POFUT1: variants seen among roughly 807,000 people sequenced by gnomAD.
POFUT1 encodes protein O-fucosyltransferase 1, also known as GDP-fucose protein O-fucosyltransferase 1.
In POFUT1, 16 loss-of-function variants were observed where a neutral mutation model predicts 42.4. That is an observed-to-expected ratio of 0.38 (90% CI 0.26 to 0.57). The LOEUF (loss-of-function observed/expected upper bound fraction) is 0.57. POFUT1 is among the 20% of genes least tolerant of loss of function. The pLI is 0.71. For missense variants in POFUT1, 470 were observed against 504.6 expected (o/e 0.93, Z 0.66); for synonymous variants, 206 against 205.4 (o/e 1.00, Z -0.03).
At chr20:32,231,169 C>G in intron 6 of POFUT1, 108 bp downstream of exon 6, 2 of 1,217,454 alleles carry the variant, frequency 1.6e-6, no homozygotes, top group Non-Finnish European at 2.3e-6. Context: ...AGCCTTTTGC[C>G]TGGACCTACC....
chr20:32,225,988 CAGA>C (rs2047412916), intron 4 of POFUT1, among the ~76,000 whole-genome samples: 2 of 152,140 alleles, frequency 1.3e-5, no homozygotes, highest in Non-Finnish European at 1.5e-5. Flanking sequence ...AGAAAGCACG[CAGA>C]AGAACACTCC....
Position 32,238,068 on chromosome 20 carries a change from A to T in POFUT1, c.*3407A>T. On this transcript the variant is annotated 3_prime_UTR_variant, in exon 7 of 7. Coordinates refer to ENST00000375749, the MANE Select transcript of POFUT1 (RefSeq NM_015352.2). Reference sequence around the variant, plus strand: ...CTCTTAATTATAAAAAATTCTGTCGAGGAGTGTTCCATAGTTTATTGTTTT... The same window carrying T: ...CTCTTAATTATAAAAAATTCTGTCGTGGAGTGTTCCATAGTTTATTGTTTT... 3.0e-6 allele frequency: 1 copy of T among 333,732 alleles called. No homozygotes were observed. Among genetic ancestry groups the T allele is most frequent in the Admixed American group, 3.8e-5 (1 of 26,156 alleles). The allele number at this position is 333,732 out of a possible 1,614,324, so 20.7% of individuals were successfully genotyped here. A position where few individuals can be genotyped will look rare whatever the true frequency, so the allele number is the denominator to read the frequency against.
rs138369052 is a variant in POFUT1 at position 32,230,824 on chromosome 20, C to T, written c.741C>T (p.Asn247=). The part of the protein sequence containing the change: ...IHLRIGSDWK[N]ACAMLKDGTA... ...CTGTTCCCCGCTCTCCGTAGAAGAA[C>T]GCCTGTGCCATGCTGAAGGACGGGA... is the stretch of plus-strand genomic sequence containing the variant. Residue 247 remains asparagine, a synonymous_variant, in exon 6 of 7, where the codon AAC becomes AAT. Coordinates refer to ENST00000375749, the MANE Select transcript of POFUT1 (RefSeq NM_015352.2). The T allele has an allele frequency of 5.8e-5, 94 of 1,613,380 alleles. No homozygotes were observed. The African/African-American group carries it at 1.1e-3, about 18-fold the overall frequency.
chr20:32,208,570 A>G (rs2047307319), intron 1 of POFUT1, among the ~76,000 whole-genome samples: 1 of 147,882 alleles, frequency 6.8e-6, no homozygotes, highest in Non-Finnish European at 1.5e-5. Flanking sequence ...TAATCCCACC[A>G]CTTTGAGAGA....
At chr20:32,230,686 C>A (rs1301125587) in intron 5 of POFUT1, 133 bp from the exon 6 acceptor site, 14 of 988,666 alleles carry the variant, frequency 1.4e-5, no homozygotes, top group Non-Finnish European at 1.6e-5. Context: ...CAGAGTGAGA[C>A]TCCGTCTCAA....
intron 2 of POFUT1, among the ~76,000 whole-genome samples, chr20:32,211,117 T>C (rs141553787): frequency 5.3e-4 from 80 of 152,308 alleles, no homozygotes; most frequent in Admixed American, 4.8e-3. Context: ...TGATTCTTGT[T>C]ACCCTCTTGT....
At chr20:32,224,794 T>C (rs1008973325) in intron 4 of POFUT1, among the ~76,000 whole-genome samples, 1 of 152,222 alleles carries the variant, frequency 6.6e-6, no homozygotes, top group African/African-American at 2.4e-5. Context: ...GACCTCACTG[T>C]CTAGCAAGAG....
intron 4 of POFUT1, among the ~76,000 whole-genome samples, chr20:32,221,796 T>TGA (rs2047392363): frequency 6.6e-6 from 1 of 152,174 alleles, no homozygotes; most frequent in Non-Finnish European, 1.5e-5. Context: ...TCCTCCCTAT[T>TGA]GCCTTCAACC....
chr20:32,230,712 G>A lies in POFUT1; in HGVS notation c.736-107G>A. ...TCCGTCTCAAAAAAAAAAAAAAAAT[G>A]TAGTTAGGTTCTTCCTGTATAGCCT... is the stretch of plus-strand genomic sequence containing the variant. On this transcript the variant is annotated intron_variant, in intron 5 of 6. Coordinates refer to ENST00000375749, the MANE Select transcript of POFUT1 (RefSeq NM_015352.2). 1.0e-5 allele frequency: 12 copies of A among 1,145,348 alleles called. 1 individual carries two copies. The highest frequency in any genetic ancestry group is 1.2e-5 in the Non-Finnish European group (10 of 809,268). 70.9% of individuals were successfully genotyped at this position (1,145,348 alleles called of 1,614,324 possible).
At chr20:32,232,945 C>T (rs1198451218) in intron 6 of POFUT1, among the ~76,000 whole-genome samples, 2 of 152,196 alleles carry the variant, frequency 1.3e-5, no homozygotes, top group Non-Finnish European at 2.9e-5. Context: ...TGTGGTCCCG[C>T]TCTCCAGGGC....
intron 2 of POFUT1, among the ~76,000 whole-genome samples, chr20:32,214,393 G>A (rs979042995): frequency 6.6e-6 from 1 of 152,160 alleles, no homozygotes; most frequent in Non-Finnish European, 1.5e-5. Flanking sequence ...CCAAAGTGCT[G>A]AGATTACAGA....
At chr20:32,214,045 G>A (rs1332551369) in intron 2 of POFUT1, among the ~76,000 whole-genome samples, 2 of 151,790 alleles carry the variant, frequency 1.3e-5, no homozygotes, top group South Asian at 2.1e-4. Context: ...GAGCATCCTG[G>A]TACTGATCTC....
At chr20:32,209,326 AC>A (rs2047313840) in intron 1 of POFUT1, among the ~76,000 whole-genome samples, 1 of 151,762 alleles carries the variant, frequency 6.6e-6, no homozygotes, top group African/African-American at 2.4e-5. Context: ...CTATCACCAA[AC>A]TTTTTTCATC....
At chr20:32,220,705 T>C (rs1444836923) in intron 4 of POFUT1, among the ~76,000 whole-genome samples, 1 of 151,230 alleles carries the variant, frequency 6.6e-6, no homozygotes, top group Non-Finnish European at 1.5e-5. Flanking sequence ...ATTGTGCCAC[T>C]GCATCCCAGC....
At position 32,229,707 on chromosome 20, in the gene POFUT1, C is replaced by A. The variant is rs147799064; in HGVS notation, c.736-1112C>A. On this transcript the variant is annotated intron_variant, in intron 5 of 6. Transcript: ENST00000375749. ...AGACCAAGAAAAGTAATTTTTGTTT[C>A]AAAATGCCAGGCTTTCTGTGCTGTG... Among the ~76,000 whole-genome samples, 1,182 of 152,220 alleles carry A rather than the reference C, an allele frequency of 7.8e-3. 10 individuals are homozygous for A. Among genetic ancestry groups the A allele is most frequent in the Non-Finnish European group, 9.1e-3 (622 of 67,998 alleles).
intron 4 of POFUT1, among the ~76,000 whole-genome samples, chr20:32,221,644 A>T (rs189424410): frequency 6.6e-6 from 1 of 151,856 alleles, no homozygotes; most frequent in Non-Finnish European, 1.5e-5. Flanking sequence ...AGCCTGAGGA[A>T]GTCATGGCTG....
chr20:32,208,238 G>C (rs1038550515), intron 1 of POFUT1, among the ~76,000 whole-genome samples, 173 bp downstream of exon 1: 1 of 152,214 alleles, frequency 6.6e-6, no homozygotes, highest in Non-Finnish European at 1.5e-5. Context: ...AGGGGCCAAC[G>C]TGTCCAACTT....
At chr20:32,221,709 A>G (rs3803990) in intron 4 of POFUT1, among the ~76,000 whole-genome samples, 44,700 of 151,148 alleles carry the variant, frequency 0.3, 9,900 homozygotes, top group African/African-American at 0.62. Flanking sequence ...GATTGAGACC[A>G]TCTTAAAAAA....
In POFUT1 at chr20:32,216,905, G is replaced by T. The variant is rs906743033; in HGVS notation, c.542+184G>T. 7 of 1,563,446 alleles carry T rather than the reference G, an allele frequency of 4.5e-6. No individual in the cohort carries two copies. The Admixed American group carries it at 9.1e-5, about 20-fold the overall frequency. Reference sequence around the variant, plus strand: ...TCCCATGTCCACGCCTGACACGGTGGAACATTGACCCGCCATGAGATTGAG... The same window carrying T: ...TCCCATGTCCACGCCTGACACGGTGTAACATTGACCCGCCATGAGATTGAG... On this transcript the variant is annotated intron_variant, in intron 4 of 6. Transcript: ENST00000375749.
Sources: gnomAD v4.1 joint callset for allele counts (sites outside exome capture counted in the v4.1 genomes callset) on GRCh38, gnomAD v4.1.1 for gene constraint, MANE v1.5 for transcripts, NCBI Gene and HGNC (gene_info 2026-07-23, HGNC 2026-07-21) for gene names.